Variants in FOXP1 observed in about 807,000 individuals in gnomAD.
The protein encoded by FOXP1 is forkhead box protein P1.
A neutral mutation model predicts 98.2 loss-of-function variants in FOXP1; 15 were observed. The observed-to-expected ratio is 0.15, with a 90% CI of 0.10 to 0.24. The LOEUF is 0.24. Among genes scored for constraint, FOXP1 ranks in the 10% least tolerant of loss-of-function variants. The pLI is 1.00. For synonymous variants in FOXP1, 371 were observed against 314.5 expected (o/e 1.18, Z -1.90); for missense variants, 633 against 848.5 (o/e 0.75, Z 3.15).
In FOXP1 at chr3:71,041,577, C is replaced by G. The variant is rs777090767; in HGVS notation, c.665-45G>C. 90 of 1,558,628 alleles carry G rather than the reference C, an allele frequency of 5.8e-5. No individual in the cohort carries two copies. In the East Asian group the frequency reaches 1.6e-3, roughly 28 times the overall value. On this transcript the variant is annotated intron_variant, in intron 10 of 20. Coordinates refer to ENST00000649528, the MANE Select transcript of FOXP1 (RefSeq NM_001349338.3). ...TAATTAAATCAATTAACAGCTAATTCCGTCCTCTTCAAACAGCAATTAAAT... is the reference window on the plus strand; with the variant it reads ...TAATTAAATCAATTAACAGCTAATTGCGTCCTCTTCAAACAGCAATTAAAT...
At chr3:71,025,509 TA>T (rs2045995772) in intron 11 of FOXP1, among the ~76,000 whole-genome samples, 1 of 152,192 alleles carries the variant, frequency 6.6e-6, no homozygotes, top group Admixed American at 6.5e-5. Context: ...TGGACATAGA[TA>T]AATATGTAAG....
intron 3 of FOXP1, among the ~76,000 whole-genome samples, chr3:71,487,383 T>C (rs2090736119): frequency 1.3e-5 from 2 of 152,140 alleles, no homozygotes; most frequent in Non-Finnish European, 2.9e-5. Flanking sequence ...ATATGTGAAA[T>C]ATGGACTGTT....
At chr3:71,379,588 A>G (rs1411101591) in intron 3 of FOXP1, among the ~76,000 whole-genome samples, 1 of 128,798 alleles carries the variant, frequency 7.8e-6, no homozygotes, top group Admixed American at 9.1e-5. Context: ...AATGAATTGT[A>G]TGTTTTTAAA....
At chr3:71,484,504 G>C (rs139059279) in intron 3 of FOXP1, among the ~76,000 whole-genome samples, 1 of 152,242 alleles carries the variant, frequency 6.6e-6, no homozygotes, top group Non-Finnish European at 1.5e-5. Flanking sequence ...TCTCAAAAAG[G>C]TTCAAATACA....
chr3:71,581,552 C>T lies in FOXP1; in HGVS notation c.-301G>A. ...GCCCGCGGCCGCCTCGACTTACCCG[C>T]GGAGTCCGGGGAGGGAGTAGGAGCG... On this transcript the variant is annotated 5_prime_UTR_variant, in exon 2 of 21. Transcript: ENST00000649528. The T allele has an allele frequency of 1.0e-6, 1 of 985,462 alleles. No individual in the cohort carries two copies. The highest frequency in any genetic ancestry group is 1.2e-6 in the Non-Finnish European group (1 of 829,970). 61.0% of individuals were successfully genotyped at this position (985,462 alleles called of 1,614,324 possible).
chr3:71,316,660 C>CT (rs1261668332), intron 4 of FOXP1, among the ~76,000 whole-genome samples: 2,011 of 139,724 alleles, frequency 0.014, 34 homozygotes, highest in Non-Finnish European at 0.015. Flanking sequence ...AGGGCATATT[C>CT]TTTTTTTTTT....
intron 5 of FOXP1, among the ~76,000 whole-genome samples, chr3:71,269,593 C>T (rs1192282780): frequency 6.6e-6 from 1 of 152,126 alleles, no homozygotes; most frequent in Admixed American, 6.6e-5. Context: ...TTAAGAATCC[C>T]GCCAAAGTGC....
At chr3:71,196,177 G>A (rs1392825972) in intron 6 of FOXP1, among the ~76,000 whole-genome samples, 6 of 152,136 alleles carry the variant, frequency 3.9e-5, no homozygotes, top group African/African-American at 1.4e-4. Flanking sequence ...TTTAAAAACA[G>A]TATAAAAGTC....
intron 3 of FOXP1, among the ~76,000 whole-genome samples, chr3:71,457,861 T>G (rs973965071): frequency 1.3e-5 from 2 of 152,192 alleles, no homozygotes; most frequent in African/African-American, 4.8e-5. Context: ...TTCTTCCTTT[T>G]AGCAAAACAC....
intron 11 of FOXP1, among the ~76,000 whole-genome samples, chr3:71,025,519 A>G (rs2045996779): frequency 6.6e-6 from 1 of 152,226 alleles, no homozygotes; most frequent in Non-Finnish European, 1.5e-5. Context: ...TAAATATGTA[A>G]GGGGGTGGCA....
rs77345485 is a variant in FOXP1, at chr3:71,482,542, A to T, written c.-168+10884T>A. ...GGGATTACCAAGTAACTGGGATTAC[A>T]GCTGTGCGCCACCATGCCCAGCTGA... On this transcript the variant is annotated intron_variant, in intron 3 of 20. Transcript: ENST00000649528. Among the ~76,000 whole-genome samples, 1,439 of 151,998 alleles carry T rather than the reference A, an allele frequency of 9.5e-3. 21 individuals are homozygous for T. Among genetic ancestry groups the T allele is most frequent in the African/African-American group, 0.033 (1,359 of 41,458 alleles).
chr3:71,327,195 T>C (rs1284649797), intron 4 of FOXP1, among the ~76,000 whole-genome samples: 1 of 151,118 alleles, frequency 6.6e-6, no homozygotes, highest in African/African-American at 2.4e-5. Context: ...GAAATGCTTG[T>C]GAAGGGAATC....
chr3:71,338,740 T>A (rs2076836220), intron 4 of FOXP1, among the ~76,000 whole-genome samples: 1 of 152,002 alleles, frequency 6.6e-6, no homozygotes, highest in African/African-American at 2.4e-5. Context: ...TAAAATAATA[T>A]AATGGATATA....
intron 3 of FOXP1, among the ~76,000 whole-genome samples, chr3:71,450,933 G>A (rs1011597946): frequency 2.0e-5 from 3 of 152,116 alleles, no homozygotes; most frequent in African/African-American, 4.8e-5. Context: ...AGCCTCACAT[G>A]AATAAAACTT....
At chr3:71,255,585 T>C (rs2068555122) in intron 5 of FOXP1, among the ~76,000 whole-genome samples, 5 of 152,202 alleles carry the variant, frequency 3.3e-5, no homozygotes, top group Admixed American at 2.6e-4. Flanking sequence ...CACTAAATTA[T>C]TGGAATTCAG....
At position 71,581,706 on chromosome 3, in the gene FOXP1, G is replaced by A; in HGVS notation, c.-446-9C>T. ...TTACAAACTTTCGGGTTCTGCAGTC[G>A]ACAAGAAACCGGGGCGACCCTCAGC... On this transcript the variant is annotated splice_polypyrimidine_tract_variant and intron_variant, in intron 1 of 20. Coordinates refer to ENST00000649528, the MANE Select transcript of FOXP1 (RefSeq NM_001349338.3). 3 of 985,800 alleles carry A rather than the reference G, an allele frequency of 3.0e-6. No homozygotes were observed. The highest frequency in any genetic ancestry group is 3.6e-6 in the Non-Finnish European group (3 of 830,164). The allele number at this position is 985,800 out of a possible 1,614,324, so 61.1% of individuals were successfully genotyped here.
chr3:70,995,560 GTGTC>G (rs754807410), intron 13 of FOXP1, among the ~76,000 whole-genome samples: 1 of 152,076 alleles, frequency 6.6e-6, no homozygotes, highest in Non-Finnish European at 1.5e-5. Context: ...GATTTTTATG[GTGTC>G]TGTCTCACTG....
At chr3:71,245,130 CT>C (rs908164549) in intron 5 of FOXP1, 2 of 152,134 alleles carry the variant, frequency 1.3e-5, no homozygotes, top group African/African-American at 4.8e-5. Flanking sequence ...TCCGGGAAGC[CT>C]TTTGTGGAGT....
chr3:71,204,391 C>T (rs574278669), intron 5 of FOXP1, among the ~76,000 whole-genome samples: 164 of 152,206 alleles, frequency 1.1e-3, no homozygotes, highest in African/African-American at 3.6e-3. Context: ...AGTAGGCAAA[C>T]GGTAGGGTGG....
Sources: allele counts gnomAD v4.1 joint callset (sites outside exome capture counted in the v4.1 genomes callset), GRCh38; gene constraint gnomAD v4.1.1; transcripts MANE v1.5; gene names NCBI Gene and HGNC (gene_info 2026-07-23, HGNC 2026-07-21).